TNS3: variants seen among roughly 807,000 people sequenced by gnomAD.
TNS3 encodes tensin 3.
In TNS3, 45 loss-of-function variants were observed where a neutral mutation model predicts 140.9. That is an observed-to-expected ratio of 0.32 (90% CI 0.25 to 0.41). The LOEUF (loss-of-function observed/expected upper bound fraction) is 0.41. Ranked by LOEUF, TNS3 falls within the 10% of genes least tolerant of loss-of-function variation. The probability of loss-of-function intolerance (pLI) is 1.00; values close to 1 mark genes in which losing one functional copy is unlikely to be tolerated. For synonymous variants in TNS3, 815 were observed against 788.4 expected, an observed-to-expected ratio of 1.03 and a Z score of -0.56; for missense variants, 1,716 against 1,906.7, an observed-to-expected ratio of 0.90 and a Z score of 1.86.
intron 16 of TNS3, among the ~76,000 whole-genome samples, chr7:47,391,457 G>T (rs1792511483): frequency 6.6e-6 from 1 of 152,192 alleles, no homozygotes; most frequent in Non-Finnish European, 1.5e-5. Context: ...TTGGAGGGAG[G>T]TATCTTTAGA....
In TNS3 at chr7:47,458,703, C is replaced by T. The variant is rs191469385; in HGVS notation, c.-75-16648G>A. On this transcript the variant is annotated intron_variant, in intron 4 of 30. Coordinates refer to ENST00000311160, the MANE Select transcript of TNS3 (RefSeq NM_022748.12). The stretch of plus-strand genomic sequence containing the variant: ...TTCCCGCAGGTGCAGGCTTGCAGCT[C>T]GGGAGTCAGACCCCAGGCATGTAGG... 1.2e-4 allele frequency among the ~76,000 whole-genome samples: 18 copies of T among 152,264 alleles called. No homozygotes were observed. The East Asian group carries it at 1.9e-3, about 16-fold the overall frequency.
chr7:47,303,287 C>A lies in TNS3; in HGVS notation c.3120G>T (p.Leu1040Phe). The change falls in exon 22 of 31, where the codon TTG becomes TTT. Residue 1040 changes from leucine to phenylalanine, a missense_variant. Around this residue, in one of 3 missense-constraint regions of TNS3, gnomAD observed 1,163 missense variants for 1,182.1 expected, o/e 0.98. Coordinates refer to ENST00000311160, the MANE Select transcript of TNS3 (RefSeq NM_022748.12). The stretch of plus-strand genomic sequence containing the variant: ...GTGACGCTCCATGAGAATTGGCCAG[C>A]AAGGCCCCCAGGTCCTCCTCGGGCG... ...GLPPEEDLGALLANSHGASPT... is the reference protein window; with the variant it reads ...GLPPEEDLGAFLANSHGASPT... 1 of 1,613,602 alleles carries A rather than the reference C, an allele frequency of 6.2e-7. No homozygotes were observed. Among genetic ancestry groups the A allele is most frequent in the Non-Finnish European group, 8.5e-7 (1 of 1,179,914 alleles).
At chr7:47,490,956 G>A (rs1797790410) in intron 3 of TNS3, among the ~76,000 whole-genome samples, 1 of 152,220 alleles carries the variant, frequency 6.6e-6, no homozygotes, top group Admixed American at 6.5e-5. Flanking sequence ...GTGTCGGGAA[G>A]TAGAGGAAAG....
intron 2 of TNS3, among the ~76,000 whole-genome samples, chr7:47,524,071 CT>C (rs532986943): frequency 4.3e-4 from 66 of 152,358 alleles, no homozygotes; most frequent in African/African-American, 1.6e-3. Context: ...CAGGGCAACT[CT>C]TTGGGGAGAA....
In TNS3 at chr7:47,519,790, C is replaced by T. The variant is rs1011186713; in HGVS notation, c.-153+9246G>A. 7.3e-5 allele frequency among the ~76,000 whole-genome samples: 11 copies of T among 150,170 alleles called. No individual in the cohort carries two copies. In the East Asian group the frequency reaches 7.8e-4, roughly 11 times the overall value. On this transcript the variant is annotated intron_variant, in intron 2 of 30. Transcript: ENST00000311160. Reference sequence around the variant, plus strand: ...TGCAGAGGCCAGGCTTCGACTCCATCCTCTGGAACAGAGCTCCTCACATTT... The same window carrying T: ...TGCAGAGGCCAGGCTTCGACTCCATTCTCTGGAACAGAGCTCCTCACATTT...
At chr7:47,509,405 T>C (rs929907402) in intron 2 of TNS3, among the ~76,000 whole-genome samples, 1 of 152,152 alleles carries the variant, frequency 6.6e-6, no homozygotes, top group African/African-American at 2.4e-5. Context: ...AAGTCCACCG[T>C]CAATCTATCC....
intron 1 of TNS3, among the ~76,000 whole-genome samples, chr7:47,552,869 CAGTT>C (rs1321911266): frequency 1.3e-5 from 2 of 152,212 alleles, no homozygotes; most frequent in African/African-American, 4.8e-5. Flanking sequence ...TCATGCCAAA[CAGTT>C]AGCCAAGGTG....
Position 47,469,973 on chromosome 7 carries a change from C to CAAAAAA in TNS3, c.-76+11124_-76+11129dup, listed in dbSNP as rs144012426. Among the ~76,000 whole-genome samples, 553 of 64,796 alleles carry CAAAAAA rather than the reference C, an allele frequency of 8.5e-3. 29 individuals carry two copies. The highest frequency in any genetic ancestry group is 0.029 in the African/African-American group (355 of 12,180). 42.5% of individuals were successfully genotyped at this position (64,796 alleles called of 152,430 possible). ...TGGGCAACAGAATGAAACTCTGTCT[C>CAAAAAA]AAAAAAAAAAAAAAAAAAAAAAAAT... is the stretch of plus-strand genomic sequence containing the variant. On this transcript the variant is annotated intron_variant, in intron 4 of 30. Coordinates refer to ENST00000311160, the MANE Select transcript of TNS3 (RefSeq NM_022748.12).
At chr7:47,533,344 C>T (rs528231402) in intron 1 of TNS3, among the ~76,000 whole-genome samples, 45 of 150,550 alleles carry the variant, frequency 3.0e-4, no homozygotes, top group African/African-American at 1.1e-3. Flanking sequence ...GTTGGTCAGG[C>T]TGGTCTCGAA....
chr7:47,281,307 C>T (rs1785133584), intron 28 of TNS3, among the ~76,000 whole-genome samples: 1 of 152,244 alleles, frequency 6.6e-6, no homozygotes, highest in East Asian at 1.9e-4. Flanking sequence ...CCTGCCCAGC[C>T]CTTCCTTCCA....
At chr7:47,470,143 A>G (rs1796891598) in intron 4 of TNS3, among the ~76,000 whole-genome samples, 1 of 152,134 alleles carries the variant, frequency 6.6e-6, no homozygotes, top group Admixed American at 6.5e-5. Flanking sequence ...ATGTTCTCAC[A>G]TGGGAACTGA....
intron 9 of TNS3, among the ~76,000 whole-genome samples, chr7:47,425,479 AAGTT>A: frequency 6.6e-6 from 1 of 152,324 alleles, no homozygotes; most frequent in Admixed American, 6.5e-5. Flanking sequence ...ACTCAAAAGT[AAGTT>A]GAGTGTGATT....
chr7:47,555,140 C>G (rs566201915), intron 1 of TNS3, among the ~76,000 whole-genome samples: 1 of 152,190 alleles, frequency 6.6e-6, no homozygotes, highest in South Asian at 2.1e-4. Context: ...GTGGCTCAAG[C>G]CTGTAATCCC....
chr7:47,438,112 CCT>C (rs1795281114), intron 6 of TNS3, among the ~76,000 whole-genome samples: 1 of 152,046 alleles, frequency 6.6e-6, no homozygotes, highest in African/African-American at 2.4e-5. Flanking sequence ...ACTAAACGTC[CCT>C]CTCACTTCAG....
At chr7:47,437,900 C>A (rs1795268495) in intron 6 of TNS3, among the ~76,000 whole-genome samples, 1 of 151,098 alleles carries the variant, frequency 6.6e-6, no homozygotes, top group African/African-American at 2.4e-5. Flanking sequence ...GTGGGGAAGG[C>A]TGTCCCTCCT....
intron 10 of TNS3, among the ~76,000 whole-genome samples, chr7:47,417,084 G>A (rs1794120717): frequency 6.6e-6 from 1 of 152,214 alleles, no homozygotes; most frequent in Admixed American, 6.5e-5. Context: ...CAGGCATCTA[G>A]GTGAAGTCGA....
intron 1 of TNS3, among the ~76,000 whole-genome samples, chr7:47,551,939 C>G (rs80318744): frequency 0.025 from 3,855 of 152,034 alleles, 163 homozygotes; most frequent in African/African-American, 0.089. Flanking sequence ...GTGTGTCCAC[C>G]GGGAGCGATC....
intron 8 of TNS3, among the ~76,000 whole-genome samples, chr7:47,431,417 A>AC (rs1794924226): frequency 6.6e-6 from 1 of 152,082 alleles, no homozygotes; most frequent in South Asian, 2.1e-4. Context: ...ACATGGTGAA[A>AC]CCCCATCTCT....
intron 1 of TNS3, among the ~76,000 whole-genome samples, chr7:47,557,359 CACAAATGG>C (rs1800222923): frequency 6.6e-6 from 1 of 152,356 alleles, no homozygotes; most frequent in Non-Finnish European, 1.5e-5. Context: ...GCAGCGAGCT[CACAAATGG>C]ACCTTTCTGT....
Sources: allele counts gnomAD v4.1 joint callset (sites outside exome capture counted in the v4.1 genomes callset), GRCh38; gene constraint gnomAD v4.1.1; regional missense constraint gnomAD v4.1.1; transcripts MANE v1.5; gene names NCBI Gene and HGNC (gene_info 2026-07-23, HGNC 2026-07-21).